Variants in STYXL2 observed in about 807,000 individuals in gnomAD.
STYXL2 encodes the protein serine/threonine/tyrosine interacting like 2.
Under a neutral mutation model 52.4 loss-of-function variants are expected in STYXL2, and 44 were observed. The ratio of observed to expected loss-of-function variants is 0.84; its 90% CI spans 0.66 to 1.08. STYXL2 has a LOEUF of 1.08. Ranked by LOEUF, STYXL2 falls within the 50% of genes least tolerant of loss-of-function variation. STYXL2 has a pLI of 0.00. For missense variants in STYXL2, 1,604 were observed against 1,471.7 expected (o/e 1.09, Z -1.47); for synonymous variants, 604 against 586.9 (o/e 1.03, Z -0.42).
At position 167,113,715 on chromosome 1, in the gene STYXL2, C is replaced by G. The variant is rs758520701; in HGVS notation, c.116C>G (p.Ser39Trp). ...YLRSPSPSQY[S>W]MVSDAETESI... The stretch of plus-strand genomic sequence containing the variant: ...TGAATATCCTCTTCCCTTAGGTATT[C>G]GATGGTCTCAGATGCAGAAACAGAA... Residue 39 changes from serine (S) to tryptophan (W), a missense_variant, in exon 3 of 6, where the codon TCG (serine) becomes TGG (tryptophan). By Grantham distance (177) the Ser-to-Trp change is radical. Transcript: ENST00000361200. 2 of 1,611,964 alleles carry G rather than the reference C, an allele frequency of 1.2e-6. No homozygotes were observed. The highest frequency in any genetic ancestry group is 1.3e-5 in the African/African-American group (1 of 74,868).
Position 167,126,704 on chromosome 1 carries a change from T to A in STYXL2, c.1573T>A (p.Ser525Thr). 6.2e-7 allele frequency: 1 copy of A among 1,614,156 alleles called. No individual in the cohort carries two copies. Among genetic ancestry groups the A allele is most frequent in the Non-Finnish European group, 8.5e-7 (1 of 1,180,032 alleles). Residue 525 changes from serine to threonine, a missense_variant, in exon 6 of 6, where the codon TCT becomes ACT. Physicochemically the swap from Ser to Thr is moderately conservative, Grantham distance 58 (BLOSUM62 1). Coordinates refer to ENST00000361200, the MANE Select transcript of STYXL2 (RefSeq NM_001080426.3). ...GGAGGATGATGAGGACAGCGTGGGC[T>A]CTGAGGCCAGTTCCTTCTACAACTT... is the stretch of plus-strand genomic sequence containing the variant. The part of the protein sequence containing the change: ...VREDDEDSVG[S>T]EASSFYNFCS...
intron 3 of STYXL2, among the ~76,000 whole-genome samples, chr1:167,115,236 T>C (rs1444682824): frequency 2.0e-5 from 3 of 152,144 alleles, no homozygotes; most frequent in Non-Finnish European, 2.9e-5. Flanking sequence ...GCTGAAGGGC[T>C]ATAGGGAGAG....
chr1:167,126,286 G>C lies in STYXL2; in HGVS notation c.1155G>C (p.Glu385Asp). ...CTGGCCAGGGTGGGGAGGAGCTCGA[G>C]GACGAGGACGTGGAGAGGATCATCC... ...ASSGQGGEELEDEDVERIIQE... is the reference protein window; with the variant it reads ...ASSGQGGEELDDEDVERIIQE... Residue 385 changes from glutamate to aspartate, a missense_variant, in exon 6 of 6, where the codon GAG becomes GAC. By Grantham distance (45) the Glu-to-Asp change is conservative. Transcript: ENST00000361200. 1 of 1,532,114 alleles carries C rather than the reference G, an allele frequency of 6.5e-7. No individual in the cohort carries two copies. Among genetic ancestry groups the C allele is most frequent in the Non-Finnish European group, 8.8e-7 (1 of 1,139,374 alleles). The allele number at this position is 1,532,114 out of a possible 1,614,324, so 94.9% of individuals were successfully genotyped here. A position where few individuals can be genotyped will look rare whatever the true frequency, so the allele number is the denominator to read the frequency against.
chr1:167,123,536 G>C (rs1372793241), intron 5 of STYXL2, among the ~76,000 whole-genome samples: 1 of 152,228 alleles, frequency 6.6e-6, no homozygotes, highest in Non-Finnish European at 1.5e-5. Context: ...GGAGGTCCTT[G>C]TAAGGGACAG....
At chr1:167,120,829 CATATATATATATATAT>C (rs71587032) in intron 5 of STYXL2, among the ~76,000 whole-genome samples, 4,761 of 114,338 alleles carry the variant, frequency 0.042, 266 homozygotes, top group Middle Eastern at 0.082. Context: ...GTGTAAATTA[CATATATATATATATAT>C]ATATATATAT....
chr1:167,114,024 G>A (rs1391065963), intron 3 of STYXL2, among the ~76,000 whole-genome samples: 1 of 152,192 alleles, frequency 6.6e-6, no homozygotes, highest in Non-Finnish European at 1.5e-5. Context: ...CAACCAGAGA[G>A]GCAGCACCAA....
intron 2 of STYXL2, among the ~76,000 whole-genome samples, chr1:167,099,819 T>G (rs926479689): frequency 6.6e-6 from 1 of 152,198 alleles, no homozygotes; most frequent in African/African-American, 2.4e-5. Context: ...AGATAAATAC[T>G]ATAATGTTTA....
intron 5 of STYXL2, among the ~76,000 whole-genome samples, chr1:167,123,494 C>T (rs1198649341): frequency 1.3e-5 from 2 of 152,194 alleles, no homozygotes; most frequent in East Asian, 3.8e-4. Flanking sequence ...AGACTAGCCA[C>T]AGTATATGGT....
intron 2 of STYXL2, among the ~76,000 whole-genome samples, chr1:167,098,433 G>A (rs1667337413): frequency 6.6e-6 from 1 of 151,846 alleles, no homozygotes; most frequent in Non-Finnish European, 1.5e-5. Flanking sequence ...CTATGACCAT[G>A]CCACTGCATT....
At chr1:167,110,199 A>T (rs985727630) in intron 2 of STYXL2, among the ~76,000 whole-genome samples, 21 of 152,156 alleles carry the variant, frequency 1.4e-4, no homozygotes, top group African/African-American at 4.8e-4. Flanking sequence ...AGAGAACACC[A>T]CATGAGACAA....
intron 2 of STYXL2, among the ~76,000 whole-genome samples, chr1:167,100,043 C>T (rs1667369448): frequency 6.6e-6 from 1 of 152,182 alleles, no homozygotes; most frequent in Non-Finnish European, 1.5e-5. Flanking sequence ...GCTGGAAAGT[C>T]CGAGATCAAG....
chr1:167,112,790 G>A (rs553090905), intron 2 of STYXL2, among the ~76,000 whole-genome samples: 1 of 152,296 alleles, frequency 6.6e-6, no homozygotes, highest in South Asian at 2.1e-4. Context: ...CCTAATTTGT[G>A]GAGGGTTTGT....
Position 167,126,507 on chromosome 1 carries a change from G to A in STYXL2, c.1376G>A (p.Arg459His), listed in dbSNP as rs775976978. 12 of 1,611,634 alleles carry A rather than the reference G, an allele frequency of 7.4e-6. No individual in the cohort carries two copies. Among genetic ancestry groups the A allele is most frequent in the South Asian group, 3.3e-5 (3 of 90,694 alleles). Residue 459 changes from arginine to histidine, a missense_variant, in exon 6 of 6, where the codon CGC becomes CAC. Physicochemically the swap from Arg to His is conservative, Grantham distance 29. Transcript: ENST00000361200. ...WVLKQQLELN[R>H]PDHGRRRRAD... Reference sequence around the variant, plus strand: ...CTGAAGCAGCAGCTGGAGCTGAACCGCCCGGACCACGGCAGGAGGCGCCGC... The same window carrying A: ...CTGAAGCAGCAGCTGGAGCTGAACCACCCGGACCACGGCAGGAGGCGCCGC...
At chr1:167,095,959 C>T (rs1161925329) in intron 2 of STYXL2, among the ~76,000 whole-genome samples, 1 of 152,116 alleles carries the variant, frequency 6.6e-6, no homozygotes, top group Non-Finnish European at 1.5e-5. Context: ...ACTCATGGGC[C>T]AGGGCACTTC....
rs1558028671 is a variant in STYXL2, at chr1:167,127,605, G to T, written c.2474G>T (p.Ser825Ile). ...AGGGGGACCAGCAAGCCCATCTTCA[G>T]CCTCTTTGCTGACAATGTGGACCTA... Reference protein sequence around the residue: ...KVRGTSKPIFSLFADNVDLKE... With the variant: ...KVRGTSKPIFILFADNVDLKE... The change falls in exon 6 of 6, where the codon AGC (serine) becomes ATC (isoleucine). Residue 825 changes from serine (S) to isoleucine (I), a missense_variant. Coordinates refer to ENST00000361200, the MANE Select transcript of STYXL2 (RefSeq NM_001080426.3). The T allele has an allele frequency of 1.2e-6, 2 of 1,614,164 alleles. No homozygotes were observed. Among genetic ancestry groups the T allele is most frequent in the South Asian group, 2.2e-5 (2 of 91,088 alleles).
intron 5 of STYXL2, among the ~76,000 whole-genome samples, chr1:167,122,622 A>G (rs267741): frequency 0.68 from 103,267 of 151,782 alleles, 36,348 homozygotes; most frequent in East Asian, 0.9. Context: ...GCTTGCTCAA[A>G]TCTGATGCTC....
At chr1:167,105,509 C>T (rs930269744) in intron 2 of STYXL2, among the ~76,000 whole-genome samples, 2 of 152,084 alleles carry the variant, frequency 1.3e-5, no homozygotes, top group South Asian at 2.1e-4. Context: ...CTCAGGTATG[C>T]CAGTTGGGAC....
intron 2 of STYXL2, among the ~76,000 whole-genome samples, chr1:167,097,130 A>C (rs2102218901): frequency 6.6e-6 from 1 of 152,174 alleles, no homozygotes; most frequent in African/African-American, 2.4e-5. Flanking sequence ...GTTCTCTTTG[A>C]CCTCTAGCTC....
intron 3 of STYXL2, among the ~76,000 whole-genome samples, chr1:167,116,431 G>A (rs1667723368): frequency 6.6e-6 from 1 of 152,078 alleles, no homozygotes; most frequent in African/African-American, 2.4e-5. Flanking sequence ...AGAATCATAG[G>A]TCCTTACATT....
Sources: allele counts gnomAD v4.1 joint callset (sites outside exome capture counted in the v4.1 genomes callset), GRCh38; gene constraint gnomAD v4.1.1; transcripts MANE v1.5; gene names NCBI Gene and HGNC (gene_info 2026-07-23, HGNC 2026-07-21).